Variants in SERGEF observed in about 807,000 individuals in gnomAD.
The protein encoded by SERGEF is secretion-regulating guanine nucleotide exchange factor.
A neutral mutation model predicts 50.0 loss-of-function variants in SERGEF; 51 were observed. The ratio of observed to expected loss-of-function variants is 1.02; its 90% CI spans 0.81 to 1.29. The LOEUF is 1.29. SERGEF is among the 50% of genes most tolerant of loss of function. The probability of loss-of-function intolerance (pLI) is 0.00; values close to 1 mark genes in which losing one functional copy is unlikely to be tolerated. For synonymous variants in SERGEF, 205 were observed against 212.4 expected, an observed-to-expected ratio of 0.97 and a Z score of 0.30; for missense variants, 521 against 557.0, an observed-to-expected ratio of 0.94 and a Z score of 0.65.
At chr11:17,913,276 T>C (rs936786069) in intron 9 of SERGEF, among the ~76,000 whole-genome samples, 6 of 152,192 alleles carry the variant, frequency 3.9e-5, no homozygotes, top group African/African-American at 1.4e-4. Context: ...CACACACATA[T>C]GGCATGCTTG....
rs199775739 is a variant in SERGEF, at chr11:17,788,379, A to G, written c.1083T>C (p.His361=). Residue 361 remains histidine (H), a synonymous_variant, in exon 11 of 11, where the codon CAT becomes CAC. Coordinates refer to ENST00000265965, the MANE Select transcript of SERGEF (RefSeq NM_012139.4). ...CTTCAGTGCCATCTCCGCACATGCC[A>G]TGCTCATTCCAGCCCCAAGAGTAAC... The part of the protein sequence containing the change: ...GVCYSWGWNE[H]GMCGDGTEAN... The G allele has an allele frequency of 1.2e-5, 19 of 1,612,808 alleles. No individual in the cohort carries two copies. In the East Asian group the frequency reaches 3.8e-4, roughly 32 times the overall value.
At chr11:17,985,932 T>C (rs184971641) in intron 8 of SERGEF, among the ~76,000 whole-genome samples, 29 of 152,370 alleles carry the variant, frequency 1.9e-4, no homozygotes, top group African/African-American at 6.7e-4. Flanking sequence ...CATTGTAGGA[T>C]GTTCAGCAGC....
Position 18,006,638 on chromosome 11 carries a change from G to A in SERGEF, c.305C>T (p.Pro102Leu). The change falls in exon 3 of 11, where the codon CCC becomes CTC. Residue 102 changes from proline to leucine, a missense_variant. Transcript: ENST00000265965. ...CCAGCCACAGGCCACCTGTTGGATG[G>A]GACAGCCAAAGAGGGATTTGCAGGG... ...FTPCKSLFGC[P>L]IQQVACGWDF... 6 of 1,614,140 alleles carry A rather than the reference G, an allele frequency of 3.7e-6. No individual in the cohort carries two copies. The highest frequency in any genetic ancestry group is 5.1e-6 in the Non-Finnish European group (6 of 1,180,022).
In SERGEF at chr11:17,988,738, C is replaced by T; in HGVS notation, c.703G>A (p.Val235Ile). 4 of 1,614,052 alleles carry T rather than the reference C, an allele frequency of 2.5e-6. No individual in the cohort carries two copies. The highest frequency in any genetic ancestry group is 2.2e-5 in the East Asian group (1 of 44,876). ...ASLTDAGEVY[V>I]WGSNKHGQLA... ...TGCCCATGCTTGTTGCTTCCCCAAA[C>T]ATACACCTCTCCTGCATCTTAAACA... is the stretch of plus-strand genomic sequence containing the variant. The change falls in exon 8 of 11, where the codon GTT becomes ATT. Residue 235 changes from valine (V) to isoleucine (I), a missense_variant. Physicochemically the swap from Val to Ile is conservative, Grantham distance 29 (BLOSUM62 3). Coordinates refer to ENST00000265965, the MANE Select transcript of SERGEF (RefSeq NM_012139.4).
At position 17,987,750 on chromosome 11, in the gene SERGEF, G is replaced by C. The variant is rs566805172; in HGVS notation, c.844+847C>G. On this transcript the variant is annotated intron_variant, in intron 8 of 10. Transcript: ENST00000265965. The stretch of plus-strand genomic sequence containing the variant: ...CTGACCTGAAAACCTGCAAAAGCCA[G>C]AAACTTCTGAAATAAGAGTCACTAG... Among the ~76,000 whole-genome samples the C allele has an allele frequency of 4.6e-5, 7 of 152,296 alleles. No homozygotes were observed. The South Asian group carries it at 1.5e-3, about 32-fold the overall frequency.
intron 9 of SERGEF, among the ~76,000 whole-genome samples, chr11:17,957,455 A>G (rs746413673): frequency 6.6e-6 from 1 of 152,200 alleles, no homozygotes; most frequent in Non-Finnish European, 1.5e-5. Flanking sequence ...CTCCACTACT[A>G]TACTACCTGA....
intron 1 of SERGEF, chr11:18,009,928 G>A: frequency 3.0e-6 from 1 of 329,124 alleles, no homozygotes; most frequent in Non-Finnish European, 6.0e-6. Flanking sequence ...CATAAGAAGT[G>A]GCCAAAGACT....
chr11:17,842,924 G>A (rs185753716), intron 10 of SERGEF, among the ~76,000 whole-genome samples: 68 of 152,290 alleles, frequency 4.5e-4, no homozygotes, highest in Middle Eastern at 3.4e-3. Flanking sequence ...ATATGCTAAC[G>A]AAACCAACGC....
intron 8 of SERGEF, among the ~76,000 whole-genome samples, chr11:17,974,947 G>C (rs910392172): frequency 2.6e-5 from 4 of 152,366 alleles, no homozygotes; most frequent in Admixed American, 2.6e-4. Flanking sequence ...GGGGGAGAAA[G>C]TGCGCAGAAG....
intron 10 of SERGEF, among the ~76,000 whole-genome samples, chr11:17,830,087 T>C (rs1356057698): frequency 6.6e-6 from 1 of 152,232 alleles, no homozygotes; most frequent in Non-Finnish European, 1.5e-5. Context: ...ATTTCTGCTC[T>C]GGTTGCCAAA....
At chr11:17,842,377 C>A (rs748270402) in intron 10 of SERGEF, among the ~76,000 whole-genome samples, 1 of 152,164 alleles carries the variant, frequency 6.6e-6, no homozygotes, top group Non-Finnish European at 1.5e-5. Context: ...GTATCCACTA[C>A]AGTGAAACAC....
chr11:17,945,883 C>G (rs955784285), intron 9 of SERGEF, among the ~76,000 whole-genome samples: 1 of 152,078 alleles, frequency 6.6e-6, no homozygotes, highest in Admixed American at 6.5e-5. Flanking sequence ...GAGGCTGAGG[C>G]AGGAGAATTG....
intron 9 of SERGEF, among the ~76,000 whole-genome samples, chr11:17,889,808 A>G (rs1004407809): frequency 2.6e-5 from 4 of 152,016 alleles, no homozygotes; most frequent in Admixed American, 2.0e-4. Context: ...TATTCTTGCA[A>G]CTCTTCCGTG....
intron 9 of SERGEF, among the ~76,000 whole-genome samples, chr11:17,944,245 G>C (rs1219291643): frequency 1.3e-5 from 2 of 152,094 alleles, no homozygotes; most frequent in African/African-American, 2.4e-5. Flanking sequence ...TTTCTAAACT[G>C]TCTCTGATCA....
At chr11:17,943,547 C>A (rs1351753867) in intron 9 of SERGEF, among the ~76,000 whole-genome samples, 2 of 152,174 alleles carry the variant, frequency 1.3e-5, no homozygotes, top group Middle Eastern at 6.8e-3. Context: ...TCTCTCCTTT[C>A]TATTTCATTA....
intron 3 of SERGEF, among the ~76,000 whole-genome samples, chr11:18,005,596 C>T (rs146352414): frequency 1.4e-3 from 219 of 152,242 alleles, no homozygotes; most frequent in African/African-American, 5.0e-3. Context: ...GATGCCCTTG[C>T]CAAAGGACCG....
chr11:17,982,837 A>G (rs978817054), intron 8 of SERGEF, among the ~76,000 whole-genome samples: 1 of 152,214 alleles, frequency 6.6e-6, no homozygotes, highest in African/African-American at 2.4e-5. Flanking sequence ...GAAAACAAAT[A>G]ATAAAAAACC....
intron 10 of SERGEF, among the ~76,000 whole-genome samples, chr11:17,875,810 CT>C (rs1356170829): frequency 6.6e-6 from 1 of 152,212 alleles, no homozygotes; most frequent in African/African-American, 2.4e-5. Flanking sequence ...AGTTTGGCTG[CT>C]TTATGTTCTC....
At chr11:17,852,861 G>T (rs917782305) in intron 10 of SERGEF, among the ~76,000 whole-genome samples, 2 of 152,176 alleles carry the variant, frequency 1.3e-5, no homozygotes, top group South Asian at 2.1e-4. Flanking sequence ...AAGAACCCAG[G>T]TCTCCTAATT....
Sources: allele counts gnomAD v4.1 joint callset (sites outside exome capture counted in the v4.1 genomes callset), GRCh38; gene constraint gnomAD v4.1.1; transcripts MANE v1.5; gene names NCBI Gene and HGNC (gene_info 2026-07-23, HGNC 2026-07-21).